KCNH1: variants seen among roughly 807,000 people sequenced by gnomAD.
KCNH1 encodes voltage-gated delayed rectifier potassium channel KCNH1.
Under a neutral mutation model 69.2 loss-of-function variants are expected in KCNH1, and 27 were observed. The observed-to-expected ratio is 0.39, with a 90% CI of 0.29 to 0.54. The LOEUF (loss-of-function observed/expected upper bound fraction) is 0.54. KCNH1 is among the 20% of genes least tolerant of loss of function. The pLI, the probability that KCNH1 is intolerant of heterozygous loss-of-function variation, is 0.68. For missense variants in KCNH1, 798 were observed against 1,261.6 expected, an observed-to-expected ratio of 0.63 and a Z score of 5.57; for synonymous variants, 456 against 487.7, an observed-to-expected ratio of 0.93 and a Z score of 0.86.
chr1:210,998,965 T>C (rs1400160563), intron 6 of KCNH1, among the ~76,000 whole-genome samples: 14 of 152,068 alleles, frequency 9.2e-5, no homozygotes, highest in South Asian at 2.1e-4. Context: ...TTGAAACCGA[T>C]GAGAACAAAG....
intron 10 of KCNH1, among the ~76,000 whole-genome samples, chr1:210,685,060 A>T (rs1312513042): frequency 6.6e-6 from 1 of 152,166 alleles, no homozygotes; most frequent in Non-Finnish European, 1.5e-5. Context: ...ACAATACTTC[A>T]CGCAGAGGAT....
At chr1:210,776,742 C>T (rs1427496248) in intron 9 of KCNH1, among the ~76,000 whole-genome samples, 8 of 152,084 alleles carry the variant, frequency 5.3e-5, no homozygotes, top group African/African-American at 1.9e-4. Flanking sequence ...GTTATAGAAG[C>T]CCAAATTAAG....
chr1:210,858,094 G>T (rs1199193264), intron 7 of KCNH1: 1 of 152,230 alleles, frequency 6.6e-6, no homozygotes, highest in East Asian at 1.9e-4. Context: ...TGTTTATATT[G>T]TTACAAAACT....
At chr1:210,724,873 A>T (rs1020397460) in intron 10 of KCNH1, among the ~76,000 whole-genome samples, 1 of 152,190 alleles carries the variant, frequency 6.6e-6, no homozygotes, top group African/African-American at 2.4e-5. Flanking sequence ...CTAGGGCAAC[A>T]TCATCAGGAT....
intron 9 of KCNH1, among the ~76,000 whole-genome samples, chr1:210,777,185 A>G (rs1683878235): frequency 6.6e-6 from 1 of 152,218 alleles, no homozygotes; most frequent in Non-Finnish European, 1.5e-5. Flanking sequence ...TTATACTTCC[A>G]AGTACATGGA....
At chr1:210,866,510 A>C (rs943112351) in intron 7 of KCNH1, among the ~76,000 whole-genome samples, 41 of 152,212 alleles carry the variant, frequency 2.7e-4, no homozygotes, top group African/African-American at 8.9e-4. Flanking sequence ...GCACATGAAA[A>C]GATGTTCAAC....
chr1:210,943,411 C>T lies in KCNH1; in HGVS notation c.1033-23342G>A, dbSNP rs533414314. On this transcript the variant is annotated intron_variant, in intron 6 of 10. Coordinates refer to ENST00000271751, the MANE Select transcript of KCNH1 (RefSeq NM_172362.3). ...TTGCCCAGGCTGGAGTGCAGTGGCA[C>T]GATCTTGGCTCACTGCAAGCTCTGC... Among the ~76,000 whole-genome samples the T allele has an allele frequency of 9.2e-5, 14 of 151,998 alleles. No homozygotes were observed. The East Asian group carries it at 2.1e-3, about 23-fold the overall frequency.
Position 210,853,946 on chromosome 1 carries a change from C to CAAAAAAAAAAAAAAAAAAAAAAAA in KCNH1, c.1463-49781_1463-49780insTTTTTTTTTTTTTTTTTTTTTTTT, listed in dbSNP as rs11445997. ...TAGCAGTAAAAGCATTTATCTAAGCCAAAAAAAAAAAAAAAAAAAAAAGAA... is the reference window on the plus strand; with the variant it reads ...TAGCAGTAAAAGCATTTATCTAAGCCAAAAAAAAAAAAAAAAAAAAAAAAAAAAAAAAAAAAAAAAAAAAAAGAA... On this transcript the variant is annotated intron_variant, in intron 7 of 10. Transcript: ENST00000271751. 3.4e-4 allele frequency among the ~76,000 whole-genome samples: 21 copies of CAAAAAAAAAAAAAAAAAAAAAAAA among 61,532 alleles called. 5 individuals are homozygous for CAAAAAAAAAAAAAAAAAAAAAAAA. The highest frequency in any genetic ancestry group is 9.6e-4 in the African/African-American group (13 of 13,474). The allele number at this position is 61,532 out of a possible 152,430, so 40.4% of individuals were successfully genotyped here. A position where few individuals can be genotyped will look rare whatever the true frequency, so the allele number is the denominator to read the frequency against.
intron 7 of KCNH1, among the ~76,000 whole-genome samples, chr1:210,914,033 T>C (rs1311293496): frequency 1.3e-5 from 2 of 152,090 alleles, no homozygotes; most frequent in African/African-American, 4.8e-5. Context: ...AATATGAAAG[T>C]CATGTGTTGA....
intron 6 of KCNH1, among the ~76,000 whole-genome samples, chr1:210,982,212 G>A (rs1046217900): frequency 1.4e-4 from 19 of 132,972 alleles, no homozygotes; most frequent in African/African-American, 5.1e-4. Context: ...AAAAGGATGC[G>A]AGAATACTTT....
rs80018337 is a variant in KCNH1, at chr1:210,994,326, C to G, written c.1032+24457G>C. ...TATCTGAATGCCTATTGTGTGCCAGCAACTGTGCTAAGTGCCACAACTTGC... is the reference window on the plus strand; with the variant it reads ...TATCTGAATGCCTATTGTGTGCCAGGAACTGTGCTAAGTGCCACAACTTGC... On this transcript the variant is annotated intron_variant, in intron 6 of 10. Coordinates refer to ENST00000271751, the MANE Select transcript of KCNH1 (RefSeq NM_172362.3). 9.9e-3 allele frequency among the ~76,000 whole-genome samples: 1,501 copies of G among 152,264 alleles called. 13 individuals are homozygous for G. The highest frequency in any genetic ancestry group is 0.013 in the Non-Finnish European group (904 of 68,024).
chr1:211,079,576 C>T (rs575827678), intron 5 of KCNH1, among the ~76,000 whole-genome samples: 63 of 152,290 alleles, frequency 4.1e-4, no homozygotes, highest in Non-Finnish European at 7.6e-4. Flanking sequence ...CAGTAAAATA[C>T]GGGCAAGCCA....
intron 7 of KCNH1, among the ~76,000 whole-genome samples, chr1:210,865,219 A>G (rs1686080618): frequency 6.6e-6 from 1 of 152,238 alleles, no homozygotes; most frequent in African/African-American, 2.4e-5. Flanking sequence ...TAGTCTCCCA[A>G]TGCAGAGATA....
At chr1:210,754,292 C>T (rs1683347031) in intron 10 of KCNH1, among the ~76,000 whole-genome samples, 3 of 152,138 alleles carry the variant, frequency 2.0e-5, no homozygotes, top group Non-Finnish European at 4.4e-5. Flanking sequence ...CTGAAAACAC[C>T]ACCATCTGGC....
At chr1:210,770,824 T>C (rs770155791) in intron 10 of KCNH1, among the ~76,000 whole-genome samples, 6 of 152,146 alleles carry the variant, frequency 3.9e-5, no homozygotes, top group Non-Finnish European at 8.8e-5. Flanking sequence ...AGAATGCCAA[T>C]ATGGGAACAG....
chr1:210,825,575 G>A (rs7515909), intron 7 of KCNH1, among the ~76,000 whole-genome samples: 32,734 of 151,870 alleles, frequency 0.22, 3,562 homozygotes, highest in African/African-American at 0.24. Context: ...AAATAGTTTT[G>A]ACCTCATGAA....
At chr1:210,713,971 G>C (rs1478505089) in intron 10 of KCNH1, among the ~76,000 whole-genome samples, 1 of 152,116 alleles carries the variant, frequency 6.6e-6, no homozygotes, top group Admixed American at 6.5e-5. Context: ...ACTCCGGTGG[G>C]AGGCTTCTCA....
At position 210,735,945 on chromosome 1, in the gene KCNH1, T is replaced by C. The variant is rs186048561; in HGVS notation, c.2112+39403A>G. ...TGTTTTGTTCAAGATTTTATATTTT[T>C]TCATTATAGTGATTTTAATTATCTT... is the stretch of plus-strand genomic sequence containing the variant. On this transcript the variant is annotated intron_variant, in intron 10 of 10. Transcript: ENST00000271751. Among the ~76,000 whole-genome samples, 353 of 152,348 alleles carry C rather than the reference T, an allele frequency of 2.3e-3. 3 individuals carry two copies. Among genetic ancestry groups the C allele is most frequent in the African/African-American group, 8.1e-3 (335 of 41,578 alleles).
At chr1:210,756,707 G>T (rs1209305849) in intron 10 of KCNH1, among the ~76,000 whole-genome samples, 1 of 152,114 alleles carries the variant, frequency 6.6e-6, no homozygotes, top group Non-Finnish European at 1.5e-5. Context: ...GAACTCACTG[G>T]TGGCCCCCTG....
Sources: gnomAD v4.1 joint callset for allele counts (sites outside exome capture counted in the v4.1 genomes callset) on GRCh38, gnomAD v4.1.1 for gene constraint, MANE v1.5 for transcripts, NCBI Gene and HGNC (gene_info 2026-07-23, HGNC 2026-07-21) for gene names.